Variants in ST7 observed in about 807,000 individuals in gnomAD.
The protein encoded by ST7 is suppression of tumorigenicity 7.
A neutral mutation model predicts 78.7 loss-of-function variants in ST7; 28 were observed. That is an observed-to-expected ratio of 0.36 (90% CI 0.26 to 0.49). The LOEUF is 0.49. Ranked by LOEUF, ST7 falls within the 20% of genes least tolerant of loss-of-function variation. ST7 has a pLI of 0.99. For synonymous variants in ST7, 247 were observed against 249.6 expected (o/e 0.99, Z 0.10); for missense variants, 418 against 696.0 (o/e 0.60, Z 4.49).
chr7:117,153,001 G>A (rs1406143387), intron 9 of ST7, among the ~76,000 whole-genome samples: 3 of 152,098 alleles, frequency 2.0e-5, no homozygotes, highest in Non-Finnish European at 2.9e-5. Flanking sequence ...AGTGGGTCCC[G>A]GTAGAATAAC....
At chr7:117,151,666 A>G (rs1584477373) in intron 9 of ST7, among the ~76,000 whole-genome samples, 1 of 152,210 alleles carries the variant, frequency 6.6e-6, no homozygotes, top group South Asian at 2.1e-4. Context: ...AATTCTACAA[A>G]GGCAGGAACT....
chr7:117,058,431 TC>T (rs1798178830), intron 1 of ST7, among the ~76,000 whole-genome samples: 1 of 152,194 alleles, frequency 6.6e-6, no homozygotes, highest in African/African-American at 2.4e-5. Context: ...CTGCTATATA[TC>T]TTTTCTATTG....
intron 13 of ST7, among the ~76,000 whole-genome samples, chr7:117,214,839 A>G (rs569669170): frequency 7.2e-5 from 11 of 151,748 alleles, no homozygotes; most frequent in African/African-American, 2.2e-4. Flanking sequence ...TATTGAGTCC[A>G]TCCTTTGTGC....
intron 12 of ST7, among the ~76,000 whole-genome samples, chr7:117,195,566 TAC>T (rs1226312019): frequency 6.6e-6 from 1 of 152,298 alleles, no homozygotes; most frequent in East Asian, 1.9e-4. Context: ...TCAGGAAACT[TAC>T]ATTCATAGCG....
At chr7:117,008,234 T>C (rs942057197) in intron 1 of ST7, among the ~76,000 whole-genome samples, 1 of 152,146 alleles carries the variant, frequency 6.6e-6, no homozygotes, top group African/African-American at 2.4e-5. Flanking sequence ...ACCTCAGAAA[T>C]AATTTTAAGT....
At chr7:117,084,154 A>G (rs552288798) in intron 1 of ST7, among the ~76,000 whole-genome samples, 4 of 152,188 alleles carry the variant, frequency 2.6e-5, no homozygotes, top group African/African-American at 4.8e-5. Flanking sequence ...AATAGCACTT[A>G]CCATCTTTAG....
intron 2 of ST7, among the ~76,000 whole-genome samples, chr7:117,101,262 A>T (rs1000072169): frequency 3.3e-5 from 5 of 152,188 alleles, no homozygotes; most frequent in African/African-American, 1.2e-4. Flanking sequence ...TCCGAGTTTC[A>T]GGGTCCCACT....
intron 1 of ST7, among the ~76,000 whole-genome samples, chr7:117,062,141 C>CA (rs1386460895): frequency 5.3e-5 from 8 of 152,138 alleles, no homozygotes; most frequent in Non-Finnish European, 1.2e-4. Context: ...GAGAGGAAGA[C>CA]AGCAAGTCCT....
At chr7:117,082,355 T>A (rs1459352303) in intron 1 of ST7, among the ~76,000 whole-genome samples, 2 of 152,192 alleles carry the variant, frequency 1.3e-5, no homozygotes, top group African/African-American at 4.8e-5. Flanking sequence ...ATACCCAATT[T>A]GACTACTTAA....
intron 13 of ST7, among the ~76,000 whole-genome samples, chr7:117,214,322 A>G (rs934216333): frequency 1.3e-5 from 2 of 152,100 alleles, no homozygotes; most frequent in Non-Finnish European, 2.9e-5. Context: ...TAAATAATGT[A>G]TAAGATTTGA....
intron 13 of ST7, among the ~76,000 whole-genome samples, chr7:117,216,865 G>A (rs528253128): frequency 1.3e-5 from 2 of 151,790 alleles, no homozygotes; most frequent in South Asian, 2.1e-4. Context: ...AGGGCAATCC[G>A]GGAAGAGGGT....
intron 12 of ST7, among the ~76,000 whole-genome samples, chr7:117,196,656 T>C (rs2117445062): frequency 8.9e-6 from 1 of 112,464 alleles, no homozygotes. Context: ...TTTTTTGCTA[T>C]TGAGTTGTAG....
chr7:117,191,059 AC>A (rs776111398), intron 12 of ST7, 123 bp downstream of exon 12: 33 of 763,178 alleles, frequency 4.3e-5, no homozygotes, highest in Non-Finnish European at 6.1e-5. Context: ...AAATGTTGAG[AC>A]CCTGTATAAT....
chr7:117,104,320 GT>G (rs1801792470), intron 2 of ST7, among the ~76,000 whole-genome samples: 1 of 152,162 alleles, frequency 6.6e-6, no homozygotes, highest in African/African-American at 2.4e-5. Context: ...CACACCTGTA[GT>G]CCCAGCTGTT....
At chr7:117,114,074 G>A (rs561869616) in intron 2 of ST7, among the ~76,000 whole-genome samples, 1 of 152,312 alleles carries the variant, frequency 6.6e-6, no homozygotes, top group South Asian at 2.1e-4. Flanking sequence ...ACAAAGGCGG[G>A]TGGAAGGGCA....
At chr7:117,044,023 G>T (rs1797363802) in intron 1 of ST7, among the ~76,000 whole-genome samples, 1 of 152,184 alleles carries the variant, frequency 6.6e-6, no homozygotes, top group Non-Finnish European at 1.5e-5. Flanking sequence ...TCTGCATCTT[G>T]AACCACTCTG....
At chr7:117,039,386 C>A (rs553221512) in intron 1 of ST7, among the ~76,000 whole-genome samples, 1 of 152,152 alleles carries the variant, frequency 6.6e-6, no homozygotes, top group South Asian at 2.1e-4. Context: ...CCAGCCTGGG[C>A]AACATAGGGA....
At chr7:117,178,154 A>G (rs1210904590) in intron 10 of ST7, among the ~76,000 whole-genome samples, 1 of 152,178 alleles carries the variant, frequency 6.6e-6, no homozygotes, top group African/African-American at 2.4e-5. Flanking sequence ...GTACTTCATA[A>G]TTTTAAAGGA....
intron 10 of ST7, among the ~76,000 whole-genome samples, chr7:117,180,945 C>A (rs1293530031): frequency 6.6e-6 from 1 of 152,098 alleles, no homozygotes; most frequent in Non-Finnish European, 1.5e-5. Context: ...AGCCACCATG[C>A]CCAGCCTTTT....
Sources: gnomAD v4.1 joint callset for allele counts (sites outside exome capture counted in the v4.1 genomes callset) on GRCh38, gnomAD v4.1.1 for gene constraint, MANE v1.5 for transcripts, NCBI Gene and HGNC (gene_info 2026-07-23, HGNC 2026-07-21) for gene names.